METAP2: variants seen among roughly 807,000 people sequenced by gnomAD.
METAP2 encodes the protein methionyl aminopeptidase 2, also known as methionine aminopeptidase 2.
METAP2 carries 25 observed loss-of-function variants against 59.4 expected under a neutral mutation model. The ratio of observed to expected loss-of-function variants is 0.42; its 90% CI spans 0.31 to 0.59. The LOEUF (loss-of-function observed/expected upper bound fraction) is 0.59, where lower values mean the gene tolerates loss of function less well. METAP2 is among the 20% of genes least tolerant of loss of function. The pLI is 0.16. For synonymous variants in METAP2, 214 were observed against 194.1 expected, an observed-to-expected ratio of 1.10 and a Z score of -0.85; for missense variants, 366 against 581.2, an observed-to-expected ratio of 0.63 and a Z score of 3.81.
intron 2 of METAP2, among the ~76,000 whole-genome samples, chr12:95,481,918 A>G (rs936609588): frequency 6.6e-5 from 10 of 152,246 alleles, no homozygotes; most frequent in African/African-American, 2.4e-4. Context: ...TCTCCAGAAC[A>G]GAAACTATCT....
intron 8 of METAP2, among the ~76,000 whole-genome samples, chr12:95,510,734 G>C (rs2076396161): frequency 6.6e-6 from 1 of 152,206 alleles, no homozygotes; most frequent in Non-Finnish European, 1.5e-5. Flanking sequence ...CCAGGTCTTA[G>C]AGAAATAGTA....
intron 7 of METAP2, among the ~76,000 whole-genome samples, chr12:95,502,645 G>A (rs962854829): frequency 2.6e-5 from 4 of 151,924 alleles, no homozygotes; most frequent in Non-Finnish European, 5.9e-5. Flanking sequence ...GGAGTTTCCA[G>A]TCATTACTTT....
chr12:95,510,729 T>C (rs2076396122), intron 8 of METAP2, among the ~76,000 whole-genome samples: 1 of 152,204 alleles, frequency 6.6e-6, no homozygotes, highest in Admixed American at 6.5e-5. Flanking sequence ...GTTTGCCAGG[T>C]CTTAGAGAAA....
At chr12:95,496,765 G>A (rs1412655798) in intron 7 of METAP2, among the ~76,000 whole-genome samples, 1 of 150,604 alleles carries the variant, frequency 6.6e-6, no homozygotes, top group Non-Finnish European at 1.5e-5. Context: ...TTTTTTTGGA[G>A]GGAGGTGCAG....
intron 5 of METAP2, 95 bp downstream of exon 5, chr12:95,494,312 C>T (rs1166898206): frequency 2.5e-5 from 30 of 1,193,318 alleles, no homozygotes; most frequent in Non-Finnish European, 3.2e-5. Context: ...TACCACTTTG[C>T]TAAATCTTTA....
intron 3 of METAP2, chr12:95,483,583 T>C: frequency 4.6e-6 from 1 of 216,100 alleles, no homozygotes; most frequent in Non-Finnish European, 9.1e-6. Flanking sequence ...AAACTTAGGC[T>C]TAATAGAAGC....
intron 4 of METAP2, among the ~76,000 whole-genome samples, chr12:95,493,016 C>A (rs1055669750): frequency 1.5e-4 from 23 of 152,158 alleles, no homozygotes; most frequent in African/African-American, 5.3e-4. Flanking sequence ...GAAGGTATCA[C>A]TTTTACACTT....
chr12:95,511,900 C>A lies in METAP2; in HGVS notation c.970C>A (p.Pro324Thr). ...TTCCCTATTTTTTATAACAGTGAAA[C>A]CAATCCGTAATCTAAATGGACATTC... ...EIDGKTYQVK[P>T]IRNLNGHSIG... is the part of the protein sequence containing the mutation. Residue 324 changes from proline (P) to threonine (T), a missense_variant, in exon 9 of 11, where the codon CCA becomes ACA. This residue lies in a region of METAP2 where 106 missense variants were observed against 221.9 expected (regional missense o/e 0.48). Coordinates refer to ENST00000323666, the MANE Select transcript of METAP2 (RefSeq NM_006838.4). 6.2e-7 allele frequency: 1 copy of A among 1,604,510 alleles called. No individual in the cohort carries two copies. Among genetic ancestry groups the A allele is most frequent in the Non-Finnish European group, 8.5e-7 (1 of 1,174,262 alleles).
intron 6 of METAP2, 119 bp downstream of exon 6, chr12:95,495,257 T>G: frequency 2.4e-6 from 2 of 822,138 alleles, no homozygotes; most frequent in Non-Finnish European, 1.8e-6. Flanking sequence ...CTCATTTCAT[T>G]AGGAAAGGTG....
intron 8 of METAP2, among the ~76,000 whole-genome samples, chr12:95,511,270 A>G (rs1237726366): frequency 1.3e-5 from 2 of 151,914 alleles, no homozygotes; most frequent in Admixed American, 6.6e-5. Context: ...TTATGTTTCT[A>G]ATAATTTGTG....
At chr12:95,491,564 G>T (rs1404880931) in intron 4 of METAP2, among the ~76,000 whole-genome samples, 1 of 152,132 alleles carries the variant, frequency 6.6e-6, no homozygotes, top group Non-Finnish European at 1.5e-5. Flanking sequence ...AGGCTGGAGT[G>T]CAGTGGTGCA....
At chr12:95,475,090 G>T (rs1041637382) in intron 1 of METAP2, among the ~76,000 whole-genome samples, 1 of 152,142 alleles carries the variant, frequency 6.6e-6, no homozygotes, top group African/African-American at 2.4e-5. Context: ...AGAGTTTACA[G>T]TTGGATATTA....
chr12:95,483,885 C>T (rs928870398), intron 3 of METAP2, among the ~76,000 whole-genome samples: 2 of 151,862 alleles, frequency 1.3e-5, no homozygotes, highest in Admixed American at 6.6e-5. Flanking sequence ...TGAGGAATCC[C>T]GTTATTTAAG....
chr12:95,493,132 G>A lies in METAP2; in HGVS notation c.429-924G>A, dbSNP rs1324130380. On this transcript the variant is annotated intron_variant, in intron 4 of 10. Coordinates refer to ENST00000323666, the MANE Select transcript of METAP2 (RefSeq NM_006838.4). ...TTTTTTTAAATATCATTTTAAGGCA[G>A]TTAATGTTTTTCCTACTACAGGAGT... Among the ~76,000 whole-genome samples, 4 of 152,094 alleles carry A rather than the reference G, an allele frequency of 2.6e-5. No individual in the cohort carries two copies. In the East Asian group the frequency reaches 5.8e-4, roughly 22 times the overall value.
At chr12:95,477,702 G>A (rs2076130685) in intron 2 of METAP2, among the ~76,000 whole-genome samples, 1 of 152,156 alleles carries the variant, frequency 6.6e-6, no homozygotes, top group African/African-American at 2.4e-5. Flanking sequence ...CCAGCCTGGG[G>A]TTAGGTCTTT....
intron 8 of METAP2, among the ~76,000 whole-genome samples, chr12:95,506,901 G>A (rs1407201722): frequency 6.6e-6 from 1 of 151,910 alleles, no homozygotes; most frequent in East Asian, 1.9e-4. Flanking sequence ...TATAAGCTCA[G>A]CCTCCCGAGT....
intron 4 of METAP2, among the ~76,000 whole-genome samples, chr12:95,490,482 T>C (rs1296399018): frequency 6.6e-6 from 1 of 151,820 alleles, no homozygotes; most frequent in East Asian, 1.9e-4. Context: ...TTTCCTCTTG[T>C]AATTATTAAG....
In METAP2 at chr12:95,511,389, G is replaced by GTTTTTTTT. The variant is rs11301070; in HGVS notation, c.965-489_965-482dup. ...TTCTTCCATCCTCCCTTCTAGCACC[G>GTTTTTTTT]TTTTTTTTTTTTTTTTTTTTTTTTG... On this transcript the variant is annotated intron_variant, in intron 8 of 10. Coordinates refer to ENST00000323666, the MANE Select transcript of METAP2 (RefSeq NM_006838.4). Among the ~76,000 whole-genome samples, 54 of 61,130 alleles carry GTTTTTTTT rather than the reference G, an allele frequency of 8.8e-4. 4 individuals are homozygous for GTTTTTTTT. The highest frequency in any genetic ancestry group is 2.4e-3 in the Admixed American group (8 of 3,314). The allele number at this position is 61,130 out of a possible 152,430, so 40.1% of individuals were successfully genotyped here.
intron 8 of METAP2, among the ~76,000 whole-genome samples, chr12:95,511,383 A>G (rs1594440592): frequency 7.9e-6 from 1 of 127,270 alleles, no homozygotes; most frequent in East Asian, 2.3e-4. Flanking sequence ...CCTCCCTTCT[A>G]GCACCGTTTT....
Sources: gnomAD v4.1 joint callset for allele counts (sites outside exome capture counted in the v4.1 genomes callset) on GRCh38, gnomAD v4.1.1 for gene constraint, gnomAD v4.1.1 regional missense constraint, MANE v1.5 for transcripts, NCBI Gene and HGNC (gene_info 2026-07-23, HGNC 2026-07-21) for gene names.